The following WDR70 variants were observed in gnomAD, a reference collection of about 807,000 sequenced individuals.
WDR70 encodes WD repeat domain 70, also known as WD repeat-containing protein 70.
In WDR70, 53 loss-of-function variants were observed where a neutral mutation model predicts 88.6. The observed-to-expected ratio is 0.60, with a 90% confidence interval of 0.48 to 0.75. The LOEUF is 0.75. Among genes scored for constraint, WDR70 ranks in the 30% least tolerant of loss-of-function variants. The probability of loss-of-function intolerance (pLI) is 0.00; values close to 1 mark genes in which losing one functional copy is unlikely to be tolerated. For missense variants in WDR70, 610 were observed against 823.2 expected, an observed-to-expected ratio of 0.74 and a Z score of 3.17; for synonymous variants, 280 against 270.0, an observed-to-expected ratio of 1.04 and a Z score of -0.36.
At chr5:37,669,349 A>G (rs1745953640) in intron 10 of WDR70, among the ~76,000 whole-genome samples, 1 of 151,864 alleles carries the variant, frequency 6.6e-6, no homozygotes, top group Non-Finnish European at 1.5e-5. Flanking sequence ...GGAAGGAAGG[A>G]GAGAGGGAAG....
intron 17 of WDR70, among the ~76,000 whole-genome samples, chr5:37,745,348 C>T (rs1284603929): frequency 6.6e-6 from 1 of 150,964 alleles, no homozygotes; most frequent in Non-Finnish European, 1.5e-5. Context: ...ACCACTGACA[C>T]TACGAAGAAA....
chr5:37,652,266 T>C (rs972842703), intron 10 of WDR70, among the ~76,000 whole-genome samples: 1 of 152,218 alleles, frequency 6.6e-6, no homozygotes, highest in African/African-American at 2.4e-5. Context: ...TGGCATTATC[T>C]CTGAGGCCTC....
chr5:37,539,224 T>A (rs1741747129), intron 9 of WDR70, among the ~76,000 whole-genome samples: 2 of 152,240 alleles, frequency 1.3e-5, no homozygotes, highest in Admixed American at 6.5e-5. Context: ...TTCCCACTAC[T>A]ATTCTTGTTA....
intron 2 of WDR70, among the ~76,000 whole-genome samples, chr5:37,380,776 T>G (rs903272956): frequency 6.6e-6 from 1 of 152,094 alleles, no homozygotes; most frequent in African/African-American, 2.4e-5. Flanking sequence ...GTCTCCTGAG[T>G]AGCTGGGACC....
chr5:37,589,881 C>T (rs1271645421), intron 9 of WDR70, among the ~76,000 whole-genome samples: 9 of 152,144 alleles, frequency 5.9e-5, no homozygotes, highest in East Asian at 1.9e-4. Flanking sequence ...GGATTACAGA[C>T]GTGAGCCACC....
chr5:37,593,024 A>G (rs1484947955), intron 9 of WDR70, among the ~76,000 whole-genome samples: 1 of 152,168 alleles, frequency 6.6e-6, no homozygotes, highest in Non-Finnish European at 1.5e-5. Context: ...GCATGTTGCC[A>G]TGTGCCCATA....
intron 9 of WDR70, among the ~76,000 whole-genome samples, chr5:37,548,320 T>C (rs546916742): frequency 6.6e-6 from 1 of 152,302 alleles, no homozygotes; most frequent in African/African-American, 2.4e-5. Flanking sequence ...TATTGCCTTT[T>C]GGATAAAAAC....
chr5:37,465,188 C>T (rs1305558027), intron 7 of WDR70, among the ~76,000 whole-genome samples: 2 of 152,188 alleles, frequency 1.3e-5, no homozygotes, highest in African/African-American at 4.8e-5. Context: ...GGGCCAGAGC[C>T]ACTTTTCTTT....
intron 9 of WDR70, among the ~76,000 whole-genome samples, chr5:37,524,464 A>G (rs984559877): frequency 4.6e-5 from 7 of 152,330 alleles, no homozygotes; most frequent in East Asian, 1.9e-4. Context: ...CTGCCCTACA[A>G]GAGCTCCTGA....
At chr5:37,410,939 G>A (rs990694267) in intron 5 of WDR70, among the ~76,000 whole-genome samples, 1 of 152,162 alleles carries the variant, frequency 6.6e-6, no homozygotes, top group Non-Finnish European at 1.5e-5. Context: ...TGTAAGAGCT[G>A]CCTCAAGATA....
chr5:37,526,463 G>C (rs1741276420), intron 9 of WDR70, among the ~76,000 whole-genome samples: 1 of 152,108 alleles, frequency 6.6e-6, no homozygotes, highest in East Asian at 1.9e-4. Flanking sequence ...CAATAAATTA[G>C]GTATTGATGG....
At chr5:37,521,662 A>G (rs1741092775) in intron 9 of WDR70, among the ~76,000 whole-genome samples, 2 of 151,568 alleles carry the variant, frequency 1.3e-5, no homozygotes, top group African/African-American at 2.4e-5. Flanking sequence ...TATGAATGCA[A>G]TTATTTTGTT....
chr5:37,469,876 C>A (rs565008995), intron 7 of WDR70, among the ~76,000 whole-genome samples: 16 of 152,196 alleles, frequency 1.1e-4, no homozygotes, highest in African/African-American at 3.9e-4. Flanking sequence ...AGAGCTATAA[C>A]TGTAATAGAC....
At chr5:37,529,300 G>A (rs533872256) in intron 9 of WDR70, among the ~76,000 whole-genome samples, 12 of 152,136 alleles carry the variant, frequency 7.9e-5, no homozygotes, top group Non-Finnish European at 1.2e-4. Context: ...CTTTGGCTAT[G>A]TGGGCTCTTT....
At chr5:37,424,148 C>CAAAAAAAAAAAAA (rs11304949) in intron 5 of WDR70, among the ~76,000 whole-genome samples, 2 of 55,492 alleles carry the variant, frequency 3.6e-5, no homozygotes, top group African/African-American at 7.9e-5. Flanking sequence ...GACTCCATCT[C>CAAAAAAAAAAAAA]AAAAAAAAAA....
chr5:37,701,014 C>A, intron 11 of WDR70, 44 bp from the exon 12 acceptor site: 1 of 1,278,382 alleles, frequency 7.8e-7, no homozygotes, highest in Non-Finnish European at 1.1e-6. Flanking sequence ...TCTTTTTGCA[C>A]AATTCACTTT....
At chr5:37,474,716 CT>C (rs1356245085) in intron 7 of WDR70, among the ~76,000 whole-genome samples, 2 of 152,106 alleles carry the variant, frequency 1.3e-5, no homozygotes, top group Admixed American at 6.5e-5. Flanking sequence ...TCCACATGCT[CT>C]CCCCCTGCCA....
intron 10 of WDR70, among the ~76,000 whole-genome samples, chr5:37,605,531 G>T (rs1744012001): frequency 6.6e-6 from 1 of 152,066 alleles, no homozygotes. Context: ...TGGCATCTCA[G>T]TTTATTTGAT....
intron 10 of WDR70, among the ~76,000 whole-genome samples, chr5:37,627,715 T>A (rs1418391609): frequency 6.6e-6 from 1 of 152,226 alleles, no homozygotes. Context: ...TTGTTTAGTT[T>A]CCATGTGTTG....
Sources: gnomAD v4.1 joint callset for allele counts (sites outside exome capture counted in the v4.1 genomes callset) on GRCh38, gnomAD v4.1.1 for gene constraint, MANE v1.5 for transcripts, NCBI Gene and HGNC (gene_info 2026-07-23, HGNC 2026-07-21) for gene names.